The following KDM3B variants were observed in gnomAD, a reference collection of about 807,000 sequenced individuals.
KDM3B encodes the protein lysine-specific demethylase 3B.
In KDM3B, 10 loss-of-function variants were observed where a neutral mutation model predicts 170.0. The observed-to-expected ratio is 0.06, with a 90% confidence interval of 0.04 to 0.10. The LOEUF (loss-of-function observed/expected upper bound fraction) is 0.10. Ranked by LOEUF, KDM3B falls within the 10% of genes least tolerant of loss-of-function variation. The pLI, the probability that KDM3B is intolerant of heterozygous loss-of-function variation, is 1.00. For missense variants in KDM3B, 1,394 were observed against 2,195.2 expected (o/e 0.64, Z 7.29); for synonymous variants, 831 against 834.8 (o/e 1.00, Z 0.08).
chr5:138,416,666 C>T (rs1196573314), intron 12 of KDM3B, among the ~76,000 whole-genome samples: 1 of 151,182 alleles, frequency 6.6e-6, no homozygotes, highest in Non-Finnish European at 1.5e-5. Flanking sequence ...CCCTTATACC[C>T]CACTGCTTCT....
At chr5:138,389,894 T>C (rs978580647) in intron 7 of KDM3B, among the ~76,000 whole-genome samples, 2 of 151,934 alleles carry the variant, frequency 1.3e-5, no homozygotes, top group South Asian at 4.1e-4. Flanking sequence ...GGAATCTTGC[T>C]CTGTTGCCAG....
rs777837478 is a variant in KDM3B, at chr5:138,425,504, T to C, written c.4333T>C (p.Leu1445=). Residue 1445 remains leucine (L), a synonymous_variant, in exon 17 of 24, where the codon TTG becomes CTG. Coordinates refer to ENST00000314358, the MANE Select transcript of KDM3B (RefSeq NM_016604.4). ...GGAATTTGGAGACCAGGATGTAGAC[T>C]TGGTGAACTGCAGGAACTGTGCTAT... The part of the protein sequence containing the change: ...SQEFGDQDVD[L]VNCRNCAIIS... 14 of 1,614,144 alleles carry C rather than the reference T, an allele frequency of 8.7e-6. No homozygotes were observed. The Admixed American group carries it at 1.0e-4, about 12-fold the overall frequency.
At chr5:138,366,497 A>G (rs1389486785) in intron 1 of KDM3B, among the ~76,000 whole-genome samples, 1 of 152,006 alleles carries the variant, frequency 6.6e-6, no homozygotes, top group Non-Finnish European at 1.5e-5. Flanking sequence ...ATGCCCAGCT[A>G]ATTTTTTATT....
intron 8 of KDM3B, among the ~76,000 whole-genome samples, chr5:138,392,867 C>T (rs1052308504): frequency 6.6e-6 from 1 of 152,160 alleles, no homozygotes; most frequent in Admixed American, 6.5e-5. Flanking sequence ...ATAGCCATAT[C>T]GTGAGAGACT....
intron 6 of KDM3B, among the ~76,000 whole-genome samples, chr5:138,384,782 C>T (rs1253466067): frequency 1.3e-5 from 2 of 148,510 alleles, no homozygotes; most frequent in Admixed American, 6.7e-5. Context: ...GATGTGGTGG[C>T]ACACACCTGT....
intron 1 of KDM3B, 147 bp downstream of exon 1, chr5:138,353,134 C>G (rs1327489332): frequency 3.0e-6 from 2 of 673,846 alleles, no homozygotes; most frequent in Non-Finnish European, 4.1e-6. Context: ...CCGGCACCTC[C>G]GCACCCCGAG....
chr5:138,379,463 C>T (rs1762074905), intron 4 of KDM3B, 121 bp from the exon 5 acceptor site: 1 of 875,074 alleles, frequency 1.1e-6, no homozygotes, highest in Non-Finnish European at 1.7e-6. Flanking sequence ...TTGTTCAGTT[C>T]TATAAAAGAG....
Position 138,435,845 on chromosome 5 carries a change from C to T in KDM3B, c.*145C>T, listed in dbSNP as rs13170677. ...TTCCAAACTCTCCAGCCACTCTCTT[C>T]TACGCTGCCTCAACACTGAAGGTTG... On this transcript the variant is annotated 3_prime_UTR_variant, in exon 24 of 24. Transcript: ENST00000314358. The T allele has an allele frequency of 1.6e-6, 1 of 644,050 alleles. No homozygotes were observed. Among genetic ancestry groups the T allele is most frequent in the Non-Finnish European group, 2.7e-6 (1 of 364,010 alleles). The allele number at this position is 644,050 out of a possible 1,614,324, so 39.9% of individuals were successfully genotyped here. A position where few individuals can be genotyped will look rare whatever the true frequency, so the allele number is the denominator to read the frequency against.
chr5:138,430,495 C>T (rs369133309), intron 22 of KDM3B, 70 bp downstream of exon 22: 2 of 1,395,388 alleles, frequency 1.4e-6, no homozygotes. Flanking sequence ...TCTTGCTAAT[C>T]TACCAAGAGA....
chr5:138,352,846 C>G lies in KDM3B; in HGVS notation c.51C>G (p.Phe17Leu). 1.5e-6 allele frequency: 2 copies of G among 1,370,674 alleles called. No homozygotes were observed. The highest frequency in any genetic ancestry group is 1.9e-6 in the Non-Finnish European group (2 of 1,058,506). 84.9% of individuals were successfully genotyped at this position (1,370,674 alleles called of 1,614,324 possible). ...SPVGKRLLLLFADTAASASAS... is the reference protein window; with the variant it reads ...SPVGKRLLLLLADTAASASAS... ...TGGGCAAGCGGCTGCTGCTGCTGTT[C>G]GCGGACACTGCGGCCTCAGCCTCGG... Residue 17 changes from phenylalanine to leucine, a missense_variant, in exon 1 of 24, where the codon TTC becomes TTG. Coordinates refer to ENST00000314358, the MANE Select transcript of KDM3B (RefSeq NM_016604.4).
Position 138,392,037 on chromosome 5 carries a change from G to A in KDM3B, c.2405G>A (p.Arg802Gln). The A allele has an allele frequency of 1.2e-6, 2 of 1,614,058 alleles. No individual in the cohort carries two copies. The highest frequency in any genetic ancestry group is 1.7e-6 in the Non-Finnish European group (2 of 1,179,888). Residue 802 changes from arginine to glutamine, a missense_variant, in exon 8 of 24, where the codon CGA (arginine) becomes CAA (glutamine). Around this residue, in one of 19 missense-constraint regions of KDM3B, gnomAD observed 84 missense variants for 135.8 expected, o/e 0.62. Transcript: ENST00000314358. ...GTGAAAAGGTTCTCACTGGATGAAC[G>A]AAGCTTGGCTTGCAGACAAGACTCG... ...EAVKRFSLDE[R>Q]SLACRQDSDS...
chr5:138,401,320 A>G (rs1272443104), intron 11 of KDM3B, among the ~76,000 whole-genome samples: 1 of 151,102 alleles, frequency 6.6e-6, no homozygotes, highest in East Asian at 1.9e-4. Context: ...AGTCTAGTGC[A>G]TAGCTAAGTA....
intron 4 of KDM3B, among the ~76,000 whole-genome samples, chr5:138,378,802 GATAT>G (rs374288567): frequency 7.0e-6 from 1 of 143,168 alleles, no homozygotes; most frequent in African/African-American, 2.5e-5. Flanking sequence ...TATATATCAT[GATAT>G]ATATATATAG....
At chr5:138,369,783 T>C (rs977909425) in intron 1 of KDM3B, among the ~76,000 whole-genome samples, 1 of 152,248 alleles carries the variant, frequency 6.6e-6, no homozygotes, top group African/African-American at 2.4e-5. Context: ...TCCTGTGACA[T>C]ACTATTGCCC....
chr5:138,393,414 G>A (rs1248042948), intron 9 of KDM3B, 42 bp downstream of exon 9: 2 of 1,491,752 alleles, frequency 1.3e-6, no homozygotes, highest in Non-Finnish European at 9.3e-7. Flanking sequence ...GTTTTCATTA[G>A]TGACACATAA....
Position 138,381,554 on chromosome 5 carries a change from T to C in KDM3B, c.744T>C (p.His248=), listed in dbSNP as rs1225922169. The C allele has an allele frequency of 1.2e-6, 2 of 1,605,862 alleles. No homozygotes were observed. Among genetic ancestry groups the C allele is most frequent in the Admixed American group, 1.7e-5 (1 of 60,028 alleles). ...EIKSVDPRLI[H]VMLMDNSAPQ... is the part of the protein sequence containing the mutation. ...AGTCGGTAGATCCCAGACTAATCCA[T>C]GTGATGCTGATGGATAATTCAGCGC... The change falls in exon 6 of 24, where the codon CAT becomes CAC. Residue 248 remains histidine (H), a synonymous_variant. Coordinates refer to ENST00000314358, the MANE Select transcript of KDM3B (RefSeq NM_016604.4).
chr5:138,353,654 C>G (rs112798129), intron 1 of KDM3B, among the ~76,000 whole-genome samples: 38 of 152,278 alleles, frequency 2.5e-4, no homozygotes, highest in African/African-American at 7.7e-4. Flanking sequence ...TGAGATCTTT[C>G]TTAGTGGCCG....
chr5:138,381,728 T>C (rs1762130936), intron 6 of KDM3B, 138 bp downstream of exon 6: 1 of 587,108 alleles, frequency 1.7e-6, no homozygotes, highest in Admixed American at 2.8e-5. Flanking sequence ...TTTTGCTCTC[T>C]CCACAGTCTG....
chr5:138,405,838 CTG>C lies in KDM3B; in HGVS notation c.3199+5827_3199+5828del, dbSNP rs1279332351. Among the ~76,000 whole-genome samples, 6 of 152,104 alleles carry C rather than the reference CTG, an allele frequency of 3.9e-5. No homozygotes were observed. The South Asian group carries it at 1.2e-3, about 32-fold the overall frequency. On this transcript the variant is annotated intron_variant, in intron 11 of 23. Transcript: ENST00000314358. ...GCAGCACAGAGGAAAAGAGGGAAAA[CTG>C]GAAGTATAGTTTTGTAAGGATCTTA...
Sources: allele counts gnomAD v4.1 joint callset (sites outside exome capture counted in the v4.1 genomes callset), GRCh38; gene constraint gnomAD v4.1.1; regional missense constraint gnomAD v4.1.1; transcripts MANE v1.5; gene names NCBI Gene and HGNC (gene_info 2026-07-23, HGNC 2026-07-21).